COX7B2: variants seen among roughly 807,000 people sequenced by gnomAD.
The protein encoded by COX7B2 is cytochrome c oxidase subunit 7B2.
For missense variants in COX7B2, 109 were observed against 95.9 expected (o/e 1.14, Z -0.57); for synonymous variants, 37 against 32.1 (o/e 1.15, Z -0.51).
At chr4:46,889,959 G>A (rs1469992051) in intron 1 of COX7B2, among the ~76,000 whole-genome samples, 4 of 149,784 alleles carry the variant, frequency 2.7e-5, no homozygotes, top group African/African-American at 7.4e-5. Context: ...TTTATTATGA[G>A]GGAAAAAAAA....
At chr4:46,869,781 A>ATT (rs1297304243) in intron 1 of COX7B2, among the ~76,000 whole-genome samples, 1 of 151,890 alleles carries the variant, frequency 6.6e-6, no homozygotes, top group Non-Finnish European at 1.5e-5. Context: ...GTGACCTGCC[A>ATT]TTTCTCTCTT....
At chr4:46,815,236 A>G (rs1419317399) in intron 2 of COX7B2, among the ~76,000 whole-genome samples, 1 of 152,108 alleles carries the variant, frequency 6.6e-6, no homozygotes, top group Non-Finnish European at 1.5e-5. Flanking sequence ...CTCAGACAGC[A>G]AGTAATAATC....
intron 1 of COX7B2, among the ~76,000 whole-genome samples, chr4:46,867,656 ACTC>A (rs1717749664): frequency 6.6e-6 from 1 of 152,142 alleles, no homozygotes; most frequent in Admixed American, 6.5e-5. Context: ...AGGAGCAGCC[ACTC>A]TGCCATACAT....
intron 1 of COX7B2, among the ~76,000 whole-genome samples, chr4:46,908,807 C>T (rs186796791): frequency 0.029 from 4,317 of 150,174 alleles, 110 homozygotes; most frequent in Non-Finnish European, 0.038. Context: ...TTTGGGAGGC[C>T]GAGGCGGGTG....
chr4:46,852,039 C>T (rs1716723331), intron 1 of COX7B2, among the ~76,000 whole-genome samples: 1 of 152,040 alleles, frequency 6.6e-6, no homozygotes, highest in Admixed American at 6.6e-5. Flanking sequence ...CCATAGGAGA[C>T]TTTATGACAT....
At chr4:46,750,276 C>T (rs1191399504) in intron 2 of COX7B2, among the ~76,000 whole-genome samples, 2 of 149,832 alleles carry the variant, frequency 1.3e-5, no homozygotes, top group African/African-American at 2.5e-5. Flanking sequence ...TGCCTGTAGT[C>T]CTAGCTACTC....
intron 2 of COX7B2, among the ~76,000 whole-genome samples, chr4:46,828,798 G>A (rs1487915705): frequency 2.0e-5 from 3 of 152,120 alleles, no homozygotes; most frequent in African/African-American, 4.8e-5. Context: ...ATGAAGTCTT[G>A]TCTATGGATA....
At chr4:46,803,336 C>T (rs894721030) in intron 2 of COX7B2, among the ~76,000 whole-genome samples, 8 of 151,994 alleles carry the variant, frequency 5.3e-5, no homozygotes, top group Non-Finnish European at 1.0e-4. Context: ...GTTATGTTGC[C>T]CTCTAGAAAC....
intron 2 of COX7B2, among the ~76,000 whole-genome samples, chr4:46,834,848 A>G (rs1715400483): frequency 6.6e-6 from 1 of 152,168 alleles, no homozygotes; most frequent in Non-Finnish European, 1.5e-5. Context: ...AATGAATGAC[A>G]AAACTCCAGA....
intron 1 of COX7B2, among the ~76,000 whole-genome samples, chr4:46,904,251 T>C (rs1720243873): frequency 6.6e-6 from 1 of 151,840 alleles, no homozygotes; most frequent in Non-Finnish European, 1.5e-5. Context: ...AAAATCAGGG[T>C]CAAAAGACAA....
intron 1 of COX7B2, among the ~76,000 whole-genome samples, chr4:46,890,958 G>A (rs1008176542): frequency 3.9e-5 from 6 of 152,196 alleles, no homozygotes; most frequent in African/African-American, 1.4e-4. Context: ...AATGCAAGGG[G>A]TTGAAGGATA....
chr4:46,808,659 A>G (rs1168714002), intron 2 of COX7B2, among the ~76,000 whole-genome samples: 1 of 151,840 alleles, frequency 6.6e-6, no homozygotes, highest in Admixed American at 6.6e-5. Flanking sequence ...CATTGATTAT[A>G]ATATTAGCTG....
intron 1 of COX7B2, among the ~76,000 whole-genome samples, chr4:46,876,091 A>G (rs2109834876): frequency 6.6e-6 from 1 of 152,280 alleles, no homozygotes. Context: ...GTGCTTTGTC[A>G]GTGCTGGAAA....
chr4:46,886,358 A>C (rs1367270183), intron 1 of COX7B2, among the ~76,000 whole-genome samples: 1 of 152,202 alleles, frequency 6.6e-6, no homozygotes, highest in Non-Finnish European at 1.5e-5. Context: ...TAATTAAGAT[A>C]TCCACCACCT....
chr4:46,836,847 C>T (rs1000583224), intron 2 of COX7B2, among the ~76,000 whole-genome samples: 7 of 152,148 alleles, frequency 4.6e-5, no homozygotes, highest in East Asian at 1.9e-4. Flanking sequence ...ACAGCTGCAA[C>T]GTCACTAGGC....
At chr4:46,771,924 T>C (rs1716901150) in intron 2 of COX7B2, among the ~76,000 whole-genome samples, 1 of 152,120 alleles carries the variant, frequency 6.6e-6, no homozygotes. Flanking sequence ...ATGTTGGTGC[T>C]CAAAAAGTTT....
intron 2 of COX7B2, among the ~76,000 whole-genome samples, chr4:46,818,246 G>A (rs908507618): frequency 5.9e-5 from 9 of 152,148 alleles, no homozygotes; most frequent in Admixed American, 5.9e-4. Flanking sequence ...TCCAGCAGAA[G>A]GTGGGAAGGG....
At chr4:46,748,679 T>A (rs1343726371) in intron 2 of COX7B2, among the ~76,000 whole-genome samples, 1 of 152,174 alleles carries the variant, frequency 6.6e-6, no homozygotes. Context: ...ATAATACCAA[T>A]TATTTCTTTC....
intron 1 of COX7B2, among the ~76,000 whole-genome samples, chr4:46,852,542 A>G (rs140079159): frequency 6.6e-6 from 1 of 151,582 alleles, no homozygotes; most frequent in East Asian, 1.9e-4. Flanking sequence ...TAGCTAGGTT[A>G]TATAAATATG....
Sources: gnomAD v4.1 joint callset for allele counts (sites outside exome capture counted in the v4.1 genomes callset) on GRCh38, gnomAD v4.1.1 for gene constraint, MANE v1.5 for transcripts, NCBI Gene and HGNC (gene_info 2026-07-23, HGNC 2026-07-21) for gene names.